The following LINGO2 variants were observed in gnomAD, a reference collection of about 807,000 sequenced individuals.
The protein encoded by LINGO2 is leucine-rich repeat and immunoglobulin-like domain-containing nogo receptor-interacting protein 2.
A neutral mutation model predicts 30.6 loss-of-function variants in LINGO2; 14 were observed. The observed-to-expected ratio is 0.46, with a 90% CI of 0.30 to 0.72. LINGO2 has a LOEUF of 0.72. LINGO2 is among the 30% of genes least tolerant of loss of function. The probability of loss-of-function intolerance (pLI) is 0.07; values close to 1 mark genes in which losing one functional copy is unlikely to be tolerated. For missense variants in LINGO2, 729 were observed against 751.7 expected, an observed-to-expected ratio of 0.97 and a Z score of 0.35; for synonymous variants, 317 against 288.5, an observed-to-expected ratio of 1.10 and a Z score of -1.00.
the LINGO2 span, among the ~76,000 whole-genome samples, chr9:28,723,828 T>C: frequency 1.3e-5 from 2 of 151,908 alleles, no homozygotes; most frequent in African/African-American, 2.4e-5. Context: ...AAAAGAATCC[T>C]CCTAAAAAAA....
the LINGO2 span, among the ~76,000 whole-genome samples, chr9:28,981,742 G>A: frequency 6.6e-6 from 1 of 152,098 alleles, no homozygotes; most frequent in Non-Finnish European, 1.5e-5. Context: ...TACTTGCAAG[G>A]ACTTTAGCTT....
chr9:28,090,456 C>CA (rs1183718069), intron 4 of LINGO2, among the ~76,000 whole-genome samples: 4 of 151,962 alleles, frequency 2.6e-5, no homozygotes, highest in Non-Finnish European at 4.4e-5. Context: ...GAACCAAAGA[C>CA]AAAAAACCAC....
rs954495322 is a variant in LINGO2 at position 28,470,953 on chromosome 9, A to G, written c.-279+4987T>C. Among the ~76,000 whole-genome samples, 3 of 148,132 alleles carry G rather than the reference A, an allele frequency of 2.0e-5. 1 individual carries two copies. In the South Asian group the frequency reaches 6.3e-4, roughly 31 times the overall value. On this transcript the variant is annotated intron_variant, in intron 2 of 5. Transcript: ENST00000379992. ...ATATATAACATATATATTATACATA[A>G]TTTTCTTTATATATGTTATATATAA...
At chr9:29,046,111 T>G in the LINGO2 span, among the ~76,000 whole-genome samples, 2 of 152,172 alleles carry the variant, frequency 1.3e-5, no homozygotes, top group Non-Finnish European at 2.9e-5. Context: ...TCTCTTCCTA[T>G]TTGGATGCCT....
At chr9:28,938,383 T>C in the LINGO2 span, among the ~76,000 whole-genome samples, 1 of 152,226 alleles carries the variant, frequency 6.6e-6, no homozygotes, top group Admixed American at 6.5e-5. Flanking sequence ...TCCTTTTTGC[T>C]TAACACTTCT....
At chr9:27,946,730 T>C (rs1443453413), downstream of LINGO2, among the ~76,000 whole-genome samples, 1 of 152,158 alleles carries the variant, frequency 6.6e-6, no homozygotes, top group African/African-American at 2.4e-5. Context: ...CATTGTTTGA[T>C]ATAAGGTATT....
chr9:29,189,101 C>G, the LINGO2 span, among the ~76,000 whole-genome samples: 1 of 78,886 alleles, frequency 1.3e-5, no homozygotes, highest in African/African-American at 3.6e-5. Flanking sequence ...GCTGGCCGAC[C>G]GCCCCGCCTC....
At chr9:27,976,471 A>T (rs909605159) in intron 5 of LINGO2, among the ~76,000 whole-genome samples, 5 of 152,088 alleles carry the variant, frequency 3.3e-5, no homozygotes, top group African/African-American at 7.2e-5. Context: ...CTTAACAATT[A>T]AAAAATAGCT....
chr9:28,960,808 C>G, the LINGO2 span, among the ~76,000 whole-genome samples: 4 of 122,742 alleles, frequency 3.3e-5, no homozygotes, highest in African/African-American at 1.1e-4. Flanking sequence ...GTCATCAGAA[C>G]AGTCCATATT....
At chr9:28,552,191 C>A (rs1822322688) in intron 1 of LINGO2, among the ~76,000 whole-genome samples, 1 of 151,912 alleles carries the variant, frequency 6.6e-6, no homozygotes, top group African/African-American at 2.4e-5. Flanking sequence ...GCAAATTACC[C>A]TGGGTGTTTC....
the LINGO2 span, among the ~76,000 whole-genome samples, chr9:28,742,479 G>T: frequency 2.0e-5 from 3 of 151,250 alleles, no homozygotes; most frequent in East Asian, 5.9e-4. Flanking sequence ...CAGTGGTTGC[G>T]ATTGGGCTTT....
chr9:28,538,287 AAAAG>A (rs1213870969), intron 1 of LINGO2, among the ~76,000 whole-genome samples: 1 of 152,038 alleles, frequency 6.6e-6, no homozygotes, highest in Non-Finnish European at 1.5e-5. Flanking sequence ...ATTGTCTATA[AAAAG>A]TATTGATAAT....
chr9:29,123,819 G>A, the LINGO2 span, among the ~76,000 whole-genome samples: 1 of 152,022 alleles, frequency 6.6e-6, no homozygotes, highest in Non-Finnish European at 1.5e-5. Context: ...TAGAATTAAA[G>A]TGGGGTTCTG....
chr9:27,939,725 G>A, the LINGO2 span: 1 of 152,160 alleles, frequency 6.6e-6, no homozygotes, highest in Non-Finnish European at 1.5e-5. Flanking sequence ...CCAGCTAATA[G>A]CCCATGGCTA....
At chr9:28,523,205 G>T (rs1820890673) in intron 1 of LINGO2, among the ~76,000 whole-genome samples, 1 of 150,264 alleles carries the variant, frequency 6.7e-6, no homozygotes. Context: ...TAGAATAAGG[G>T]GCAAAATCCA....
At chr9:29,137,601 G>A in the LINGO2 span, among the ~76,000 whole-genome samples, 1 of 152,074 alleles carries the variant, frequency 6.6e-6, no homozygotes, top group Non-Finnish European at 1.5e-5. Context: ...AACAAGTGTT[G>A]TTTCTTTTGA....
Position 28,238,068 on chromosome 9 carries a change from G to A in LINGO2, c.-87+57140C>T, listed in dbSNP as rs989072491. ...TACATACTGATCCATTAGTCAATTC[G>A]GCATAAGGATACAACAATTTTAAAT... On this transcript the variant is annotated intron_variant, in intron 4 of 5. Transcript: ENST00000379992. 5.3e-5 allele frequency among the ~76,000 whole-genome samples: 8 copies of A among 151,870 alleles called. No homozygotes were observed. The South Asian group carries it at 6.3e-4, about 12-fold the overall frequency.
At chr9:28,256,175 G>A (rs1030622862) in intron 4 of LINGO2, among the ~76,000 whole-genome samples, 2 of 151,942 alleles carry the variant, frequency 1.3e-5, no homozygotes, top group Non-Finnish European at 2.9e-5. Flanking sequence ...TATTTTGTAA[G>A]CGGCCCTCAC....
upstream of LINGO2, among the ~76,000 whole-genome samples, chr9:28,670,548 G>C (rs918272273): frequency 6.6e-5 from 10 of 152,250 alleles, no homozygotes; most frequent in Non-Finnish European, 1.2e-4. Context: ...ATTTTACTGA[G>C]AAAGGCTGTT....
Sources: gnomAD v4.1 joint callset for allele counts (sites outside exome capture counted in the v4.1 genomes callset) on GRCh38, gnomAD v4.1.1 for gene constraint, MANE v1.5 for transcripts, NCBI Gene and HGNC (gene_info 2026-07-23, HGNC 2026-07-21) for gene names.